Variants in ACVR1 observed in about 807,000 individuals in gnomAD.
The protein encoded by ACVR1 is activin receptor type-1.
ACVR1 carries 38 observed loss-of-function variants against 57.1 expected under a neutral mutation model. The observed-to-expected ratio is 0.67, with a 90% CI of 0.51 to 0.87. The LOEUF (loss-of-function observed/expected upper bound fraction) is 0.87, where lower values mean the gene tolerates loss of function less well. Among genes scored for constraint, ACVR1 ranks in the 40% least tolerant of loss-of-function variants. The probability of loss-of-function intolerance (pLI) is 0.00; values close to 1 mark genes in which losing one functional copy is unlikely to be tolerated. For missense variants in ACVR1, 463 were observed against 638.2 expected (o/e 0.73, Z 2.96); for synonymous variants, 212 against 228.1 (o/e 0.93, Z 0.63).
At chr2:157,836,848 A>G (rs1196529869) in intron 1 of ACVR1, among the ~76,000 whole-genome samples, 2 of 152,154 alleles carry the variant, frequency 1.3e-5, no homozygotes, top group Non-Finnish European at 2.9e-5. Flanking sequence ...ACCCCACAAC[A>G]CCAGCATTCT....
intron 3 of ACVR1, among the ~76,000 whole-genome samples, chr2:157,786,579 T>C (rs920133085): frequency 2.0e-5 from 3 of 152,172 alleles, no homozygotes; most frequent in African/African-American, 4.8e-5. Flanking sequence ...CTCACGAATA[T>C]AGAAGATTAA....
chr2:157,814,783 T>C (rs1687872454), intron 2 of ACVR1, among the ~76,000 whole-genome samples: 1 of 152,080 alleles, frequency 6.6e-6, no homozygotes. Context: ...GAATACCAGG[T>C]ATTTACTAAA....
intron 8 of ACVR1, among the ~76,000 whole-genome samples, chr2:157,764,503 C>T (rs1243933325): frequency 2.6e-5 from 4 of 151,838 alleles, no homozygotes; most frequent in African/African-American, 9.7e-5. Context: ...CCACCGCGCC[C>T]GGCCACGATC....
chr2:157,810,019 T>A (rs114265291), intron 2 of ACVR1, among the ~76,000 whole-genome samples: 2,530 of 152,274 alleles, frequency 0.017, 81 homozygotes, highest in African/African-American at 0.058. Context: ...AAGGTTACAC[T>A]GAGCTATGAT....
intron 1 of ACVR1, among the ~76,000 whole-genome samples, chr2:157,830,271 C>T (rs1688537034): frequency 6.6e-6 from 1 of 151,912 alleles, no homozygotes; most frequent in Non-Finnish European, 1.5e-5. Context: ...AAATGATGTA[C>T]CCTGATAATG....
At chr2:157,861,448 C>T (rs1027246047) in intron 1 of ACVR1, among the ~76,000 whole-genome samples, 1 of 152,178 alleles carries the variant, frequency 6.6e-6, no homozygotes, top group South Asian at 2.1e-4. Flanking sequence ...GAATGAGATT[C>T]TATGCCATCA....
chr2:157,800,587 T>C, intron 2 of ACVR1, among the ~76,000 whole-genome samples: 1 of 152,190 alleles, frequency 6.6e-6, no homozygotes, highest in South Asian at 2.1e-4. Context: ...TTTGGTTCCA[T>C]AATTATAGTT....
chr2:157,845,883 T>C (rs927104170), intron 1 of ACVR1, among the ~76,000 whole-genome samples: 1 of 152,166 alleles, frequency 6.6e-6, no homozygotes, highest in Non-Finnish European at 1.5e-5. Context: ...AGAAATAAAA[T>C]GTACAATGTG....
intron 1 of ACVR1, among the ~76,000 whole-genome samples, chr2:157,846,905 C>T (rs912218825): frequency 1.3e-5 from 2 of 152,124 alleles, no homozygotes; most frequent in African/African-American, 4.8e-5. Flanking sequence ...ATAACATGTG[C>T]TATTCTAGGA....
intron 10 of ACVR1, 41 bp downstream of exon 10, chr2:157,738,399 A>C (rs2105216686): frequency 1.9e-6 from 3 of 1,613,788 alleles, no homozygotes; most frequent in East Asian, 2.2e-5. Flanking sequence ...AATAGCAAAC[A>C]ATGGAAAAGA....
At chr2:157,758,012 C>G (rs1685502425) in intron 9 of ACVR1, among the ~76,000 whole-genome samples, 1 of 151,714 alleles carries the variant, frequency 6.6e-6, no homozygotes, top group Non-Finnish European at 1.5e-5. Flanking sequence ...CAGATTAAAT[C>G]CCCCCAATTA....
chr2:157,873,553 A>G (rs531894108), intron 1 of ACVR1, among the ~76,000 whole-genome samples: 8 of 152,342 alleles, frequency 5.3e-5, no homozygotes, highest in Non-Finnish European at 1.2e-4. Context: ...CAAGCCACAG[A>G]CTACAGCTCC....
intron 5 of ACVR1, 34 bp downstream of exon 5, chr2:157,778,097 T>A: frequency 7.5e-6 from 12 of 1,608,890 alleles, no homozygotes; most frequent in Non-Finnish European, 1.0e-5. Context: ...ACACCTTCCT[T>A]ATGCTTGGGA....
At chr2:157,739,587 T>G (rs1684672316) in intron 9 of ACVR1, among the ~76,000 whole-genome samples, 1 of 152,210 alleles carries the variant, frequency 6.6e-6, no homozygotes, top group African/African-American at 2.4e-5. Flanking sequence ...GGCGACTTTC[T>G]TCTATTCCTA....
At chr2:157,797,023 C>T (rs1190101821) in intron 3 of ACVR1, among the ~76,000 whole-genome samples, 2 of 152,176 alleles carry the variant, frequency 1.3e-5, no homozygotes, top group African/African-American at 4.8e-5. Flanking sequence ...ATGTGAGCCA[C>T]CTAATGTAAT....
chr2:157,780,195 G>T, intron 4 of ACVR1, 142 bp downstream of exon 4: 1 of 1,219,990 alleles, frequency 8.2e-7, no homozygotes, highest in East Asian at 2.4e-5. Context: ...TCTTCACCCA[G>T]GGTGACCTTC....
chr2:157,736,593 A>C lies in ACVR1; in HGVS notation c.*938T>G. The C allele has an allele frequency of 3.3e-6, 1 of 304,258 alleles. No individual in the cohort carries two copies. 18.8% of individuals were successfully genotyped at this position (304,258 alleles called of 1,614,324 possible). On this transcript the variant is annotated 3_prime_UTR_variant, in exon 11 of 11. Transcript: ENST00000434821. ...AAAATGCATTTTCCCCGTAGCGTTC[A>C]GGACTAAAATTCTACTGAAATCTTT...
At chr2:157,827,341 CAAAAG>C (rs955246689) in intron 1 of ACVR1, among the ~76,000 whole-genome samples, 1 of 151,806 alleles carries the variant, frequency 6.6e-6, no homozygotes, top group African/African-American at 2.4e-5. Context: ...AGCAAAAAAA[CAAAAG>C]AAAACAAAAT....
chr2:157,761,162 A>C, intron 8 of ACVR1, 85 bp from the exon 9 acceptor site: 1 of 1,373,448 alleles, frequency 7.3e-7, no homozygotes, highest in Non-Finnish European at 1.0e-6. Flanking sequence ...ACCCCAATCA[A>C]AAGTGCCCTC....
Sources: gnomAD v4.1 joint callset for allele counts (sites outside exome capture counted in the v4.1 genomes callset) on GRCh38, gnomAD v4.1.1 for gene constraint, MANE v1.5 for transcripts, NCBI Gene and HGNC (gene_info 2026-07-23, HGNC 2026-07-21) for gene names.